The following FAM53A variants were observed in gnomAD, a reference collection of about 807,000 sequenced individuals.
The protein encoded by FAM53A is family with sequence similarity 53 member A.
In FAM53A, 28 loss-of-function variants were observed where a neutral mutation model predicts 26.6. The ratio of observed to expected loss-of-function variants is 1.05; its 90% CI spans 0.78 to 1.45. The LOEUF is 1.45. Among genes scored for constraint, FAM53A ranks in the 40% most tolerant of loss-of-function variants. The pLI, the probability that FAM53A is intolerant of heterozygous loss-of-function variation, is 0.00. For synonymous variants in FAM53A, 290 were observed against 253.1 expected, an observed-to-expected ratio of 1.15 and a Z score of -1.38; for missense variants, 650 against 575.8, an observed-to-expected ratio of 1.13 and a Z score of -1.32.
chr4:1,685,263 CGAGGGGCCCCTGGGGTGG>C (rs754655410), upstream of FAM53A, among the ~76,000 whole-genome samples: 12 of 152,078 alleles, frequency 7.9e-5, no homozygotes, highest in Non-Finnish European at 1.6e-4. Context: ...CCACCCCTGG[CGAGGGGCCCCTGGGGTGG>C]GAGGGGCCTG....
chr4:1,649,175 A>AGGGG (rs1214924393), intron 4 of FAM53A, among the ~76,000 whole-genome samples: 1,829 of 130,678 alleles, frequency 0.014, 50 homozygotes, highest in African/African-American at 0.053. Context: ...GGGAAAGGGA[A>AGGGG]AGGGAAGGGG....
intron 1 of FAM53A, among the ~76,000 whole-genome samples, chr4:1,624,862 G>A (rs963309112): frequency 4.6e-5 from 7 of 152,160 alleles, no homozygotes; most frequent in Admixed American, 2.0e-4. Flanking sequence ...AAGGTCCTAT[G>A]TCCCGGCCCA....
the FAM53A span, among the ~76,000 whole-genome samples, chr4:1,607,756 C>T: frequency 6.6e-6 from 1 of 152,140 alleles, no homozygotes; most frequent in African/African-American, 2.4e-5. Flanking sequence ...GCCTGATCAA[C>T]ATGGAGAAAC....
At chr4:1,590,813 T>C in the FAM53A span, among the ~76,000 whole-genome samples, 1 of 151,710 alleles carries the variant, frequency 6.6e-6, no homozygotes, top group Non-Finnish European at 1.5e-5. Flanking sequence ...TCAAATTAAA[T>C]AGACTTACTT....
the FAM53A span, among the ~76,000 whole-genome samples, chr4:1,578,500 G>A: frequency 2.0e-5 from 3 of 151,992 alleles, no homozygotes; most frequent in Non-Finnish European, 4.4e-5. Context: ...GAACGTGTGG[G>A]GGTAGGAGGT....
At chr4:1,643,783 T>G (rs1711979742) in intron 4 of FAM53A, among the ~76,000 whole-genome samples, 1 of 151,828 alleles carries the variant, frequency 6.6e-6, no homozygotes, top group Non-Finnish European at 1.5e-5. Flanking sequence ...ACCAGGCTGG[T>G]CTCAAACTCC....
intron 1 of FAM53A, among the ~76,000 whole-genome samples, chr4:1,631,333 T>C (rs1293673070): frequency 6.6e-6 from 1 of 152,186 alleles, no homozygotes; most frequent in Non-Finnish European, 1.5e-5. Context: ...CAACCCCATG[T>C]CCCAGGCAAG....
the FAM53A span, among the ~76,000 whole-genome samples, chr4:1,575,828 G>A: frequency 6.6e-6 from 1 of 152,128 alleles, no homozygotes; most frequent in Non-Finnish European, 1.5e-5. Context: ...GGCCTGATAA[G>A]GGGTGGGAAG....
intron 1 of FAM53A, among the ~76,000 whole-genome samples, chr4:1,671,157 T>G (rs1184088235): frequency 7.9e-6 from 1 of 125,870 alleles, no homozygotes; most frequent in East Asian, 2.4e-4. Context: ...CTCACCTCTG[T>G]CCCAGCGTCA....
the FAM53A span, among the ~76,000 whole-genome samples, chr4:1,576,948 C>T: frequency 6.6e-6 from 1 of 152,186 alleles, no homozygotes; most frequent in African/African-American, 2.4e-5. Flanking sequence ...GGTCTCCTCT[C>T]TGCCTTCCAA....
chr4:1,608,404 G>A, the FAM53A span, among the ~76,000 whole-genome samples: 3 of 152,304 alleles, frequency 2.0e-5, no homozygotes, highest in East Asian at 1.9e-4. Context: ...CTGAAACTGC[G>A]TGGATCTGCT....
chr4:1,576,363 G>A, the FAM53A span, among the ~76,000 whole-genome samples: 17 of 152,338 alleles, frequency 1.1e-4, no homozygotes, highest in East Asian at 2.5e-3. Flanking sequence ...AGAGAATCGC[G>A]GGCTAAATTA....
chr4:1,674,793 T>C (rs1488194057), intron 1 of FAM53A, among the ~76,000 whole-genome samples: 1 of 152,104 alleles, frequency 6.6e-6, no homozygotes, highest in Non-Finnish European at 1.5e-5. Flanking sequence ...ACACACACAA[T>C]GTCAGGCCCG....
Position 1,640,663 on chromosome 4 carries a change from A to G in FAM53A, c.*630T>C, listed in dbSNP as rs1027631912. On this transcript the variant is annotated 3_prime_UTR_variant, in exon 5 of 5. Transcript: ENST00000308132. Reference sequence around the variant, plus strand: ...GGTGCCGGCAGCAGCCATGGCCCCGACCAGCTCACATGAAACCTAGTCTGT... The same window carrying G: ...GGTGCCGGCAGCAGCCATGGCCCCGGCCAGCTCACATGAAACCTAGTCTGT... The G allele has an allele frequency of 2.5e-5, 9 of 363,806 alleles. No individual in the cohort carries two copies. Among genetic ancestry groups the G allele is most frequent in the Non-Finnish European group, 4.6e-5 (9 of 193,854 alleles). The allele number at this position is 363,806 out of a possible 1,614,324, so 22.5% of individuals were successfully genotyped here.
At chr4:1,579,055 C>G in the FAM53A span, among the ~76,000 whole-genome samples, 1 of 151,024 alleles carries the variant, frequency 6.6e-6, no homozygotes, top group Non-Finnish European at 1.5e-5. Context: ...TTGCACCGCC[C>G]GCCCTCCAGG....
At chr4:1,654,424 C>G (rs1290834253) in intron 4 of FAM53A, among the ~76,000 whole-genome samples, 2 of 152,224 alleles carry the variant, frequency 1.3e-5, no homozygotes, top group African/African-American at 4.8e-5. Flanking sequence ...CACTGAGAAT[C>G]TTCAAGTGGG....
In FAM53A at chr4:1,680,567, A is replaced by G. The variant is rs542296054; in HGVS notation, c.-165+3666T>C. On this transcript the variant is annotated intron_variant, in intron 1 of 4. Transcript: ENST00000308132. ...TATCCATAAGTGCCAAAACTTGGAA[A>G]CAACCAAGATTTCCTGTAGGTGAGC... Among the ~76,000 whole-genome samples, 5 of 152,318 alleles carry G rather than the reference A, an allele frequency of 3.3e-5. No homozygotes were observed. In the East Asian group the frequency reaches 9.6e-4, roughly 29 times the overall value.
chr4:1,612,261 G>A, the FAM53A span, among the ~76,000 whole-genome samples: 1 of 152,130 alleles, frequency 6.6e-6, no homozygotes, highest in Admixed American at 6.5e-5. Flanking sequence ...ATACACAACA[G>A]GTGCCTTAAA....
At chr4:1,599,603 A>C in the FAM53A span, among the ~76,000 whole-genome samples, 2,451 of 152,104 alleles carry the variant, frequency 0.016, 41 homozygotes, top group African/African-American at 0.047. The surrounding 1 kb of genome is among the most constrained non-coding windows in gnomAD (Gnocchi z 6.1). Context: ...AGCCCGGGGG[A>C]CCAGAGCACC....
Sources: allele counts gnomAD v4.1 joint callset (sites outside exome capture counted in the v4.1 genomes callset), GRCh38; gene constraint gnomAD v4.1.1; non-coding constraint Gnocchi (gnomAD v3.1); transcripts MANE v1.5; gene names NCBI Gene and HGNC (gene_info 2026-07-23, HGNC 2026-07-21).